Variants in SPMIP7 observed in about 807,000 individuals in gnomAD.
The protein encoded by SPMIP7 is protein SPMIP7.
the SPMIP7 span, among the ~76,000 whole-genome samples, chr7:50,119,987 C>T: frequency 9.9e-5 from 15 of 152,192 alleles, no homozygotes; most frequent in Admixed American, 9.8e-4. Context: ...TGTAACTGGC[C>T]TCTGCTCACA....
At chr7:50,097,934 CTTA>C in the SPMIP7 span, among the ~76,000 whole-genome samples, 1 of 152,104 alleles carries the variant, frequency 6.6e-6, no homozygotes, top group Non-Finnish European at 1.5e-5. Context: ...AATAGTAGCT[CTTA>C]TTATTAACTA....
At chr7:50,141,477 G>A in the SPMIP7 span, 3 of 854,214 alleles carry the variant, frequency 3.5e-6, no homozygotes, top group Non-Finnish European at 5.7e-6. Flanking sequence ...GAATTTAAAC[G>A]TGGCTTTTAT....
the SPMIP7 span, chr7:50,104,282 C>G: frequency 8.2e-7 from 1 of 1,223,522 alleles, no homozygotes. Flanking sequence ...TGTTTTTAAC[C>G]AAAATCCCAT....
At chr7:50,141,669 G>T in the SPMIP7 span, 1 of 257,766 alleles carries the variant, frequency 3.9e-6, no homozygotes. Flanking sequence ...ATCGTGGGGG[G>T]ATCAATAATG....
the SPMIP7 span, among the ~76,000 whole-genome samples, chr7:50,133,203 C>T: frequency 6.7e-6 from 1 of 150,178 alleles, no homozygotes. Flanking sequence ...ACTTTCAAAA[C>T]TCCAAAGATC....
At chr7:50,128,017 T>C in the SPMIP7 span, among the ~76,000 whole-genome samples, 2 of 152,030 alleles carry the variant, frequency 1.3e-5, no homozygotes, top group Non-Finnish European at 2.9e-5. Flanking sequence ...TGCATTCCCA[T>C]GTTTATTGCA....
the SPMIP7 span, chr7:50,104,376 C>A: frequency 6.5e-7 from 1 of 1,536,370 alleles, no homozygotes; most frequent in South Asian, 1.2e-5. Flanking sequence ...CTCATTAAGT[C>A]ACATATTTAC....
At chr7:50,148,454 T>C in the SPMIP7 span, among the ~76,000 whole-genome samples, 1 of 152,234 alleles carries the variant, frequency 6.6e-6, no homozygotes, top group Non-Finnish European at 1.5e-5. Context: ...ACTTCTTAAC[T>C]GCTCTGATGG....
the SPMIP7 span, chr7:50,121,350 C>T: frequency 2.6e-5 from 4 of 152,196 alleles, no homozygotes; most frequent in Middle Eastern, 3.2e-3. Flanking sequence ...GAACCAACTG[C>T]AACCTAACAA....
the SPMIP7 span, among the ~76,000 whole-genome samples, chr7:50,113,259 C>A: frequency 1.3e-5 from 2 of 152,058 alleles, no homozygotes; most frequent in Non-Finnish European, 2.9e-5. Context: ...CTTCCAGCAA[C>A]CAACCAACAA....
At chr7:50,151,530 C>T in the SPMIP7 span, 1 of 1,551,360 alleles carries the variant, frequency 6.4e-7, no homozygotes, top group Non-Finnish European at 8.7e-7. Context: ...CCATCAACAA[C>T]CCCATCACCA....
the SPMIP7 span, among the ~76,000 whole-genome samples, chr7:50,125,094 G>GTATATAGATATATATA: frequency 1.4e-5 from 1 of 73,820 alleles, no homozygotes; most frequent in Non-Finnish European, 3.0e-5. Flanking sequence ...GTGAGATTAA[G>GTATATAGATATATATA]TATATATATA....
At chr7:50,134,767 G>A in the SPMIP7 span, among the ~76,000 whole-genome samples, 11 of 152,212 alleles carry the variant, frequency 7.2e-5, no homozygotes, top group African/African-American at 2.4e-4. Flanking sequence ...TTTTATTTCC[G>A]AGTGTCAAGA....
chr7:50,139,027 G>A, the SPMIP7 span, among the ~76,000 whole-genome samples: 14 of 152,062 alleles, frequency 9.2e-5, no homozygotes, highest in East Asian at 3.8e-4. Context: ...AATGGTAATC[G>A]TTTAAATAAA....
At chr7:50,145,570 GTA>G in the SPMIP7 span, among the ~76,000 whole-genome samples, 36,968 of 81,062 alleles carry the variant, frequency 0.46, 9,365 homozygotes, top group East Asian at 0.77. Context: ...ATATATATAT[GTA>G]TATATATATA....
the SPMIP7 span, among the ~76,000 whole-genome samples, chr7:50,104,139 A>C: frequency 6.6e-6 from 1 of 152,218 alleles, no homozygotes; most frequent in Non-Finnish European, 1.5e-5. Flanking sequence ...CTCACATAGA[A>C]ATTCCAGAGC....
chr7:50,145,614 GTGTGTATATATATATA>G, the SPMIP7 span, among the ~76,000 whole-genome samples: 1,094 of 39,058 alleles, frequency 0.028, 108 homozygotes, highest in African/African-American at 0.088. Context: ...GTGTATATGT[GTGTGTATATATATATA>G]TATATATATA....
chr7:50,101,924 A>G, the SPMIP7 span, among the ~76,000 whole-genome samples: 11 of 152,286 alleles, frequency 7.2e-5, no homozygotes, highest in East Asian at 1.9e-3. Context: ...ATAAATTGAC[A>G]CAAACTTTCC....
the SPMIP7 span, among the ~76,000 whole-genome samples, chr7:50,127,890 T>C: frequency 1.3e-5 from 2 of 152,040 alleles, no homozygotes; most frequent in East Asian, 1.9e-4. Flanking sequence ...ACAGTCACTA[T>C]GGAAAACAGT....
Sources: gnomAD v4.1 joint callset for allele counts (sites outside exome capture counted in the v4.1 genomes callset) on GRCh38, gnomAD v4.1.1 for gene constraint, MANE v1.5 for transcripts, NCBI Gene and HGNC (gene_info 2026-07-23, HGNC 2026-07-21) for gene names.